The following ADGRL2 variants were observed in gnomAD, a reference collection of about 807,000 sequenced individuals.
ADGRL2 encodes adhesion G protein-coupled receptor L2.
ADGRL2 carries 44 observed loss-of-function variants against 157.4 expected under a neutral mutation model. That is an observed-to-expected ratio of 0.28 (90% CI 0.22 to 0.36). The LOEUF is 0.36. ADGRL2 is among the 10% of genes least tolerant of loss of function. The probability of loss-of-function intolerance (pLI) is 1.00; values close to 1 mark genes in which losing one functional copy is unlikely to be tolerated. For missense variants in ADGRL2, 1,510 were observed against 1,768.9 expected, an observed-to-expected ratio of 0.85 and a Z score of 2.63; for synonymous variants, 585 against 624.7, an observed-to-expected ratio of 0.94 and a Z score of 0.95.
At chr1:81,413,369 A>G (rs2076980787) in intron 1 of ADGRL2, among the ~76,000 whole-genome samples, 1 of 152,168 alleles carries the variant, frequency 6.6e-6, no homozygotes, top group Admixed American at 6.6e-5. Flanking sequence ...ATTGTGTTGT[A>G]TTTACTCACC....
chr1:81,483,183 A>G (rs963293757), intron 2 of ADGRL2, among the ~76,000 whole-genome samples: 3 of 152,134 alleles, frequency 2.0e-5, no homozygotes, highest in South Asian at 2.1e-4. Context: ...TGTTTCTCAA[A>G]CTGTATCTGT....
At chr1:81,524,080 G>T (rs967007068) in intron 2 of ADGRL2, among the ~76,000 whole-genome samples, 2 of 151,694 alleles carry the variant, frequency 1.3e-5, no homozygotes, top group Non-Finnish European at 2.9e-5. Context: ...AAAAAAATGG[G>T]CCAGGCGCAG....
intron 3 of ADGRL2, among the ~76,000 whole-genome samples, chr1:81,926,107 TA>T (rs1223835799): frequency 2.0e-5 from 3 of 152,040 alleles, no homozygotes; most frequent in African/African-American, 7.2e-5. Flanking sequence ...AGAAGAGCCA[TA>T]AGGGTGAAAA....
At chr1:81,868,357 C>G (rs563449162) in intron 2 of ADGRL2, among the ~76,000 whole-genome samples, 1 of 152,042 alleles carries the variant, frequency 6.6e-6, no homozygotes, top group East Asian at 1.9e-4. Context: ...CCATTTATTC[C>G]CCATAGCTTA....
chr1:81,498,313 T>G (rs911165275), intron 2 of ADGRL2, among the ~76,000 whole-genome samples: 10 of 152,342 alleles, frequency 6.6e-5, no homozygotes, highest in South Asian at 6.2e-4. Flanking sequence ...TATTTATATA[T>G]ACATATATAT....
rs578257721 is a variant in ADGRL2, at chr1:81,830,147, A to G, written c.-100-6738A>G. ...TCTCATAAGATTATTAATTTCTTGA[A>G]GGTGGCAGCTATATCTTAATCTGTT... is the stretch of plus-strand genomic sequence containing the variant. On this transcript the variant is annotated intron_variant, in intron 1 of 23. Coordinates refer to ENST00000686636, the MANE Select transcript of ADGRL2 (RefSeq NM_001366006.2). Among the ~76,000 whole-genome samples, 4 of 152,290 alleles carry G rather than the reference A, an allele frequency of 2.6e-5. No homozygotes were observed. In the East Asian group the frequency reaches 5.8e-4, roughly 22 times the overall value.
chr1:81,332,575 A>G (rs892882552), intron 1 of ADGRL2, among the ~76,000 whole-genome samples: 7 of 152,116 alleles, frequency 4.6e-5, no homozygotes, highest in African/African-American at 1.5e-4. Context: ...TCCCAGGTAG[A>G]TGTTCTTGTT....
chr1:81,604,923 T>G (rs1336704615), intron 3 of ADGRL2, among the ~76,000 whole-genome samples: 3 of 152,188 alleles, frequency 2.0e-5, no homozygotes, highest in Admixed American at 2.0e-4. Flanking sequence ...AGAAAGATAT[T>G]ATGTTTATTC....
chr1:81,465,538 C>T (rs2078034668), intron 2 of ADGRL2, among the ~76,000 whole-genome samples: 2 of 151,910 alleles, frequency 1.3e-5, no homozygotes, highest in South Asian at 4.1e-4. Flanking sequence ...GAATATCATT[C>T]TTGCTAATCT....
intron 1 of ADGRL2, among the ~76,000 whole-genome samples, chr1:81,733,639 C>T (rs892097612): frequency 2.0e-5 from 3 of 152,170 alleles, no homozygotes; most frequent in Non-Finnish European, 2.9e-5. Flanking sequence ...AAGGTATTAA[C>T]ATATGAATGT....
rs12098149 is a variant in ADGRL2 at position 81,567,407 on chromosome 1, T to A, written c.-247-13469T>A. 4.3e-3 allele frequency among the ~76,000 whole-genome samples: 651 copies of A among 152,228 alleles called. 2 individuals carry two copies. The highest frequency in any genetic ancestry group is 0.015 in the African/African-American group (629 of 41,550). ...AGTTATATTGTACAGCACTGAATTC[T>A]CCCTCCCATTTGTGTGTCCCTATGT... On this transcript the variant is annotated intron_variant, in intron 2 of 24. Transcript: ENST00000370721.
intron 15 of ADGRL2, among the ~76,000 whole-genome samples, chr1:81,969,786 A>G (rs1383588400): frequency 6.6e-6 from 1 of 152,178 alleles, no homozygotes; most frequent in Non-Finnish European, 1.5e-5. Flanking sequence ...GAACTTAGTT[A>G]GTTAATGCTT....
chr1:81,808,077 T>TATA (rs1446139085), intron 1 of ADGRL2, among the ~76,000 whole-genome samples: 2 of 152,042 alleles, frequency 1.3e-5, no homozygotes, highest in Non-Finnish European at 2.9e-5. Context: ...GTGCAGCTTA[T>TATA]AGCAAAATAC....
At chr1:81,589,387 T>A (rs1445090086) in intron 3 of ADGRL2, among the ~76,000 whole-genome samples, 2 of 152,308 alleles carry the variant, frequency 1.3e-5, no homozygotes, top group Middle Eastern at 3.4e-3. Flanking sequence ...TCATGACTCT[T>A]GTTATTAATC....
At chr1:81,310,288 T>C (rs1206581922) in intron 1 of ADGRL2, among the ~76,000 whole-genome samples, 1 of 152,204 alleles carries the variant, frequency 6.6e-6, no homozygotes, top group Non-Finnish European at 1.5e-5. Context: ...TTCTGTCTAT[T>C]TGGGATAGCC....
At position 81,557,419 on chromosome 1, in the gene ADGRL2, AAGAG is replaced by A. The variant is rs776013239; in HGVS notation, c.-247-23449_-247-23446del. The A allele has an allele frequency of 1.0e-3, 158 of 154,884 alleles. 1 individual carries two copies. The East Asian group carries it at 0.027, about 26-fold the overall frequency. 9.6% of individuals were successfully genotyped at this position (154,884 alleles called of 1,614,324 possible). On this transcript the variant is annotated intron_variant, in intron 2 of 24. Coordinates refer to the ADGRL2 transcript ENST00000370721. ...AGACAGACAGAAAGAGAGAGAGAGA[AAGAG>A]AGAGAGAAAAAGAAAGAAAGAAAGA...
Position 81,663,786 on chromosome 1 carries a change from T to C in ADGRL2, c.-143+82806T>C, listed in dbSNP as rs906445878. Among the ~76,000 whole-genome samples the C allele has an allele frequency of 2.6e-4, 39 of 152,328 alleles. 1 individual carries two copies. Among genetic ancestry groups the C allele is most frequent in the African/African-American group, 8.9e-4 (37 of 41,574 alleles). ...GGTCATGCTAATCGTTAAAGTCATG[T>C]TTAGCAGCATGATAATGGAAGAGAA... On this transcript the variant is annotated intron_variant, in intron 3 of 24. Coordinates refer to the ADGRL2 transcript ENST00000370721.
At chr1:81,989,954 C>T (rs1334439169) in intron 23 of ADGRL2, 2 of 985,004 alleles carry the variant, frequency 2.0e-6, no homozygotes, top group East Asian at 1.1e-4. Flanking sequence ...TGACTTACTC[C>T]TTTTTAATTT....
intron 3 of ADGRL2, among the ~76,000 whole-genome samples, chr1:81,600,047 T>A (rs2081306947): frequency 1.3e-5 from 2 of 152,254 alleles, no homozygotes; most frequent in South Asian, 4.1e-4. Flanking sequence ...TGTATTTACA[T>A]GCCTTTTTAG....
Sources: gnomAD v4.1 joint callset for allele counts (sites outside exome capture counted in the v4.1 genomes callset) on GRCh38, gnomAD v4.1.1 for gene constraint, MANE v1.5 for transcripts, NCBI Gene and HGNC (gene_info 2026-07-23, HGNC 2026-07-21) for gene names.